The following TAOK1 variants were observed in gnomAD, a reference collection of about 807,000 sequenced individuals.
The protein encoded by TAOK1 is serine/threonine-protein kinase TAO1.
Under a neutral mutation model 138.3 loss-of-function variants are expected in TAOK1, and 21 were observed. The observed-to-expected ratio is 0.15, with a 90% CI of 0.11 to 0.22. The LOEUF is 0.22. TAOK1 is among the 10% of genes least tolerant of loss of function. The probability of loss-of-function intolerance (pLI) is 1.00; values close to 1 mark genes in which losing one functional copy is unlikely to be tolerated. For synonymous variants in TAOK1, 361 were observed against 398.4 expected, an observed-to-expected ratio of 0.91 and a Z score of 1.12; for missense variants, 651 against 1,227.7, an observed-to-expected ratio of 0.53 and a Z score of 7.02.
In TAOK1 at chr17:29,548,385, C is replaced by CT. The variant is rs1159416696; in HGVS notation, c.*5368dup. ...GTTAACTGTTTCCCAGCAATCTAAA[C>CT]TTTTTGAAGTTTCAGAGGTGTATTT... On this transcript the variant is annotated 3_prime_UTR_variant, in exon 20 of 20. Coordinates refer to ENST00000261716, the MANE Select transcript of TAOK1 (RefSeq NM_020791.4). The CT allele has an allele frequency of 6.6e-6, 1 of 151,904 alleles. No homozygotes were observed. Among genetic ancestry groups the CT allele is most frequent in the Non-Finnish European group, 1.5e-5 (1 of 67,926 alleles). The allele number at this position is 151,904 out of a possible 1,614,324, so 9.4% of individuals were successfully genotyped here.
At chr17:29,416,003 C>G (rs1181511898) in intron 1 of TAOK1, among the ~76,000 whole-genome samples, 7 of 152,164 alleles carry the variant, frequency 4.6e-5, no homozygotes, top group Non-Finnish European at 5.9e-5. Context: ...TGCCTCATGC[C>G]TGTAATCCTA....
intron 13 of TAOK1, 109 bp from the exon 14 acceptor site, chr17:29,507,787 G>T: frequency 1.0e-6 from 1 of 967,034 alleles, no homozygotes; most frequent in Non-Finnish European, 1.5e-6. Flanking sequence ...TGCTAACATT[G>T]GGATATTTTA....
intron 19 of TAOK1, among the ~76,000 whole-genome samples, chr17:29,535,327 A>AAATG (rs2032204611): frequency 6.6e-6 from 1 of 151,764 alleles, no homozygotes; most frequent in African/African-American, 2.4e-5. Context: ...ATAAATAAAT[A>AAATG]AATAAAACAG....
chr17:29,467,285 T>G, intron 3 of TAOK1, 69 bp downstream of exon 3: 1 of 1,008,440 alleles, frequency 9.9e-7, no homozygotes, highest in Non-Finnish European at 1.4e-6. Context: ...ACATTCTTTT[T>G]TTTTTTGAGA....
intron 13 of TAOK1, among the ~76,000 whole-genome samples, chr17:29,503,166 G>A (rs906819816): frequency 1.3e-5 from 2 of 152,120 alleles, no homozygotes; most frequent in African/African-American, 4.8e-5. Flanking sequence ...GGAGGCCGAA[G>A]CGGGCGGATC....
intron 9 of TAOK1, among the ~76,000 whole-genome samples, chr17:29,491,408 TAAG>T (rs975629620): frequency 5.3e-5 from 8 of 151,004 alleles, no homozygotes; most frequent in African/African-American, 1.9e-4. Flanking sequence ...AAGGGGCAAA[TAAG>T]AAAGAGCTTA....
chr17:29,502,966 C>G (rs2031557660), intron 13 of TAOK1, among the ~76,000 whole-genome samples: 1 of 152,002 alleles, frequency 6.6e-6, no homozygotes, highest in Admixed American at 6.6e-5. Flanking sequence ...AATAAGATAA[C>G]TACAAGGCAC....
intron 2 of TAOK1, among the ~76,000 whole-genome samples, chr17:29,459,185 G>A (rs2030471719): frequency 6.6e-6 from 1 of 151,952 alleles, no homozygotes; most frequent in Non-Finnish European, 1.5e-5. Flanking sequence ...TTTCTTCTTG[G>A]ACTCTGTTTT....
chr17:29,486,767 A>G (rs1045906175), intron 8 of TAOK1, among the ~76,000 whole-genome samples: 4 of 152,258 alleles, frequency 2.6e-5, no homozygotes, highest in Non-Finnish European at 4.4e-5. Context: ...AGTGAATGAC[A>G]AAATTAAAAA....
In TAOK1 at chr17:29,429,117, A is replaced by G. The variant is rs1051857358; in HGVS notation, c.-94-22338A>G. ...TGGTTTTAGAACTTAATGCCTTTCT[A>G]GGTGGGTATTCTTATGGAAGCAGAT... On this transcript the variant is annotated intron_variant, in intron 1 of 19. Coordinates refer to ENST00000261716, the MANE Select transcript of TAOK1 (RefSeq NM_020791.4). Among the ~76,000 whole-genome samples, 7 of 152,216 alleles carry G rather than the reference A, an allele frequency of 4.6e-5. No individual in the cohort carries two copies. In the East Asian group the frequency reaches 1.3e-3, roughly 29 times the overall value.
At chr17:29,425,740 A>G (rs957288092) in intron 1 of TAOK1, among the ~76,000 whole-genome samples, 3 of 152,328 alleles carry the variant, frequency 2.0e-5, no homozygotes, top group Non-Finnish European at 2.9e-5. Flanking sequence ...ATGATAAATT[A>G]TGTTTGAAAA....
intron 19 of TAOK1, among the ~76,000 whole-genome samples, chr17:29,541,440 T>C (rs188929699): frequency 7.2e-5 from 11 of 152,116 alleles, no homozygotes; most frequent in Admixed American, 5.2e-4. Flanking sequence ...AATGTAATCA[T>C]AATTCCACTG....
At position 29,402,088 on chromosome 17, in the gene TAOK1, G is replaced by A. The variant is rs370021265; in HGVS notation, c.-95+11064G>A. 2.0e-5 allele frequency among the ~76,000 whole-genome samples: 3 copies of A among 152,054 alleles called. No homozygotes were observed. The East Asian group carries it at 5.8e-4, about 29-fold the overall frequency. On this transcript the variant is annotated intron_variant, in intron 1 of 19. Transcript: ENST00000261716. The stretch of plus-strand genomic sequence containing the variant: ...TGATTCATCTGTAGTCTATTTAGTC[G>A]TTATATTGGGTATATTTACCTTTCC...
intron 19 of TAOK1, among the ~76,000 whole-genome samples, chr17:29,535,685 C>T (rs2032209259): frequency 6.6e-6 from 1 of 151,778 alleles, no homozygotes; most frequent in Non-Finnish European, 1.5e-5. Flanking sequence ...AAAACCCTGC[C>T]TCTACAAAAA....
chr17:29,419,128 G>A (rs1015206586), intron 1 of TAOK1, among the ~76,000 whole-genome samples: 2 of 151,770 alleles, frequency 1.3e-5, no homozygotes, highest in African/African-American at 2.4e-5. Flanking sequence ...TTTCTCATCA[G>A]TGTTTTGTAA....
At chr17:29,392,750 G>A (rs1904471403) in intron 1 of TAOK1, among the ~76,000 whole-genome samples, 1 of 152,128 alleles carries the variant, frequency 6.6e-6, no homozygotes, top group Non-Finnish European at 1.5e-5. Context: ...GTTGTCTTTG[G>A]TGTATTTAGT....
At position 29,446,442 on chromosome 17, in the gene TAOK1, C is replaced by T. The variant is rs537534952; in HGVS notation, c.-94-5013C>T. Among the ~76,000 whole-genome samples, 131 of 152,160 alleles carry T rather than the reference C, an allele frequency of 8.6e-4. 3 individuals are homozygous for T. Among genetic ancestry groups the T allele is most frequent in the Admixed American group, 8.0e-3 (122 of 15,274 alleles). On this transcript the variant is annotated intron_variant, in intron 1 of 19. Transcript: ENST00000261716. Reference sequence around the variant, plus strand: ...GTTTTTAGTAGAGACAGGGTTTCACCGTGTTAGCCAGGATGGTCTCGATCT... The same window carrying T: ...GTTTTTAGTAGAGACAGGGTTTCACTGTGTTAGCCAGGATGGTCTCGATCT...
chr17:29,422,518 C>T (rs936375328), intron 1 of TAOK1, among the ~76,000 whole-genome samples: 1 of 152,096 alleles, frequency 6.6e-6, no homozygotes, highest in Non-Finnish European at 1.5e-5. Context: ...GCTCCCGGCC[C>T]CTCTATTTTT....
chr17:29,448,008 T>C (rs1205278592), intron 1 of TAOK1, among the ~76,000 whole-genome samples: 1 of 140,554 alleles, frequency 7.1e-6, no homozygotes, highest in African/African-American at 2.6e-5. Context: ...CCTGCTTTCA[T>C]ACCGAGTTTA....
Sources: gnomAD v4.1 joint callset for allele counts (sites outside exome capture counted in the v4.1 genomes callset) on GRCh38, gnomAD v4.1.1 for gene constraint, MANE v1.5 for transcripts, NCBI Gene and HGNC (gene_info 2026-07-23, HGNC 2026-07-21) for gene names.